Variants in SLC4A10 observed in about 807,000 individuals in gnomAD.
The protein encoded by SLC4A10 is sodium-driven chloride bicarbonate exchanger.
Under a neutral mutation model 137.7 loss-of-function variants are expected in SLC4A10, and 42 were observed. The observed-to-expected ratio is 0.30, with a 90% CI of 0.24 to 0.39. The LOEUF (loss-of-function observed/expected upper bound fraction) is 0.39. Ranked by LOEUF, SLC4A10 falls within the 10% of genes least tolerant of loss-of-function variation. SLC4A10 has a pLI of 1.00. For synonymous variants in SLC4A10, 474 were observed against 464.1 expected (o/e 1.02, Z -0.27); for missense variants, 925 against 1,355.0 (o/e 0.68, Z 4.98).
chr2:161,884,121 A>G (rs1046324705), intron 10 of SLC4A10, among the ~76,000 whole-genome samples: 3 of 152,162 alleles, frequency 2.0e-5, no homozygotes, highest in African/African-American at 7.2e-5. Context: ...CTCTGAGAAA[A>G]CACTCACAGT....
At chr2:161,982,858 C>T (rs1700406213) in intron 26 of SLC4A10, among the ~76,000 whole-genome samples, 1 of 152,214 alleles carries the variant, frequency 6.6e-6, no homozygotes, top group South Asian at 2.1e-4. Context: ...ACATTTTCAA[C>T]TATCATCAGT....
chr2:161,839,996 A>G, intron 4 of SLC4A10, 69 bp downstream of exon 4: 1 of 1,585,794 alleles, frequency 6.3e-7, no homozygotes, highest in South Asian at 1.1e-5. Context: ...AGAGATTTCT[A>G]ATGCAACAAT....
chr2:161,919,052 C>T (rs1687659417), intron 15 of SLC4A10, among the ~76,000 whole-genome samples: 1 of 152,174 alleles, frequency 6.6e-6, no homozygotes, highest in African/African-American at 2.4e-5. Context: ...CTGGGTGCCT[C>T]CTCTGATTTT....
At chr2:161,782,610 A>G (rs1452997269) in intron 2 of SLC4A10, among the ~76,000 whole-genome samples, 1 of 151,466 alleles carries the variant, frequency 6.6e-6, no homozygotes, top group Admixed American at 6.6e-5. Flanking sequence ...AGAACGTTGC[A>G]TGAACAAAGT....
chr2:161,826,571 A>G (rs2058033501), intron 3 of SLC4A10, among the ~76,000 whole-genome samples: 1 of 152,190 alleles, frequency 6.6e-6, no homozygotes, highest in Admixed American at 6.5e-5. Flanking sequence ...ATTATTAGGA[A>G]CTATCTCTTT....
intron 16 of SLC4A10, among the ~76,000 whole-genome samples, chr2:161,945,182 G>A (rs1365899574): frequency 7.9e-5 from 7 of 88,826 alleles, no homozygotes; most frequent in African/African-American, 1.7e-4. Context: ...AAGTTTGTGT[G>A]TATATATATA....
intron 15 of SLC4A10, among the ~76,000 whole-genome samples, chr2:161,932,818 C>G (rs1287129870): frequency 1.3e-5 from 2 of 152,146 alleles, no homozygotes; most frequent in Non-Finnish European, 2.9e-5. Flanking sequence ...TTCTTTAATG[C>G]CATTTCTTGA....
chr2:161,931,707 C>G (rs1310453416), intron 15 of SLC4A10, among the ~76,000 whole-genome samples: 1 of 152,108 alleles, frequency 6.6e-6, no homozygotes, highest in South Asian at 2.1e-4. Context: ...ACAATTTGCT[C>G]TGGTTTTGTT....
At chr2:161,646,894 G>T (rs1328186542) in intron 1 of SLC4A10, among the ~76,000 whole-genome samples, 1 of 151,904 alleles carries the variant, frequency 6.6e-6, no homozygotes, top group Non-Finnish European at 1.5e-5. Flanking sequence ...GTTTTCTTAT[G>T]TATTGTTTCT....
At chr2:161,694,429 T>C (rs1032569014) in intron 1 of SLC4A10, among the ~76,000 whole-genome samples, 8 of 149,982 alleles carry the variant, frequency 5.3e-5, no homozygotes, top group Non-Finnish European at 1.2e-4. Context: ...AGAAATACGA[T>C]AAAATGTTTA....
intron 3 of SLC4A10, among the ~76,000 whole-genome samples, chr2:161,830,511 A>G (rs1428336851): frequency 6.6e-6 from 1 of 151,794 alleles, no homozygotes; most frequent in Non-Finnish European, 1.5e-5. Flanking sequence ...ACAGTTACAG[A>G]ATAAGACTGG....
chr2:161,965,266 G>A, intron 23 of SLC4A10, 93 bp downstream of exon 23: 1 of 1,354,328 alleles, frequency 7.4e-7, no homozygotes, highest in East Asian at 2.7e-5. Context: ...TCTTTAGACA[G>A]TTTTGTCTTT....
intron 1 of SLC4A10, among the ~76,000 whole-genome samples, chr2:161,696,694 C>T (rs924864435): frequency 3.9e-5 from 6 of 152,060 alleles, no homozygotes; most frequent in East Asian, 3.9e-4. Flanking sequence ...TTTTCTTAAT[C>T]GAGTCTATCA....
chr2:161,793,229 G>T (rs1328791525), intron 2 of SLC4A10, among the ~76,000 whole-genome samples: 1 of 151,860 alleles, frequency 6.6e-6, no homozygotes, highest in Non-Finnish European at 1.5e-5. Context: ...ATATATCTAT[G>T]CACTGTAGAA....
chr2:161,663,213 C>A (rs568826985), intron 1 of SLC4A10, among the ~76,000 whole-genome samples: 3 of 151,874 alleles, frequency 2.0e-5, no homozygotes, highest in African/African-American at 7.3e-5. Flanking sequence ...AATACTGGAA[C>A]CAAATTAGAG....
chr2:161,857,252 T>C (rs1470165296), intron 5 of SLC4A10, among the ~76,000 whole-genome samples: 2 of 152,220 alleles, frequency 1.3e-5, no homozygotes, highest in Non-Finnish European at 2.9e-5. Flanking sequence ...AATTACATTC[T>C]CTAAGTCTAC....
chr2:161,837,298 C>G (rs1169437010), intron 3 of SLC4A10, among the ~76,000 whole-genome samples: 1 of 152,044 alleles, frequency 6.6e-6, no homozygotes, highest in Non-Finnish European at 1.5e-5. Context: ...CATTTCTCTA[C>G]ACTAGCATTA....
chr2:161,691,348 T>C (rs2041981201), intron 1 of SLC4A10, among the ~76,000 whole-genome samples: 2 of 150,936 alleles, frequency 1.3e-5, no homozygotes, highest in Admixed American at 1.3e-4. Context: ...GGGGGTGACG[T>C]TGGTTAATGG....
chr2:161,837,694 C>A (rs961662205), intron 3 of SLC4A10, among the ~76,000 whole-genome samples: 1 of 152,148 alleles, frequency 6.6e-6, no homozygotes, highest in African/African-American at 2.4e-5. Context: ...TTAAGAATTA[C>A]TCTAAAGCTA....
Sources: gnomAD v4.1 joint callset for allele counts (sites outside exome capture counted in the v4.1 genomes callset) on GRCh38, gnomAD v4.1.1 for gene constraint, MANE v1.5 for transcripts, NCBI Gene and HGNC (gene_info 2026-07-23, HGNC 2026-07-21) for gene names.